MED13: variants seen among roughly 807,000 people sequenced by gnomAD.
The protein encoded by MED13 is mediator complex subunit 13.
In MED13, 23 loss-of-function variants were observed where a neutral mutation model predicts 225.2. The ratio of observed to expected loss-of-function variants is 0.10; its 90% CI spans 0.07 to 0.14. The LOEUF (loss-of-function observed/expected upper bound fraction) is 0.14, where lower values mean the gene tolerates loss of function less well. MED13 is among the 10% of genes least tolerant of loss of function. The probability of loss-of-function intolerance (pLI) is 1.00; values close to 1 mark genes in which losing one functional copy is unlikely to be tolerated. For missense variants in MED13, 2,197 were observed against 2,594.5 expected (o/e 0.85, Z 3.33); for synonymous variants, 942 against 889.2 (o/e 1.06, Z -1.06).
At chr17:62,026,298 C>T (rs958729487) in intron 8 of MED13, among the ~76,000 whole-genome samples, 1 of 152,094 alleles carries the variant, frequency 6.6e-6, no homozygotes, top group African/African-American at 2.4e-5. Context: ...ACCAATCATT[C>T]AACCAATATA....
rs571507309 is a variant in MED13 at position 62,030,964 on chromosome 17, G to A, written c.1009+480C>T. ...TGTAGGACTTAAGGGCTAAGAATTAGAACACAGCAATGGGCTGCTCTGTTG... is the reference window on the plus strand; with the variant it reads ...TGTAGGACTTAAGGGCTAAGAATTAAAACACAGCAATGGGCTGCTCTGTTG... On this transcript the variant is annotated intron_variant, in intron 6 of 29. Coordinates refer to ENST00000397786, the MANE Select transcript of MED13 (RefSeq NM_005121.3). The A allele has an allele frequency of 2.0e-5, 3 of 152,392 alleles. No individual in the cohort carries two copies. The South Asian group carries it at 6.2e-4, about 32-fold the overall frequency. 9.4% of individuals were successfully genotyped at this position (152,392 alleles called of 1,614,324 possible).
rs188435227 is a variant in MED13, at chr17:62,034,554, G to C, written c.617-570C>G. Among the ~76,000 whole-genome samples the C allele has an allele frequency of 3.9e-3, 586 of 150,986 alleles. 2 individuals are homozygous for C. The highest frequency in any genetic ancestry group is 6.1e-3 in the Non-Finnish European group (411 of 67,774). The stretch of plus-strand genomic sequence containing the variant: ...TTTTTAACAGAAGCTGGGAATATTT[G>C]TGTATCCTTCAATTTACTTTGACTC... On this transcript the variant is annotated intron_variant, in intron 4 of 29. Coordinates refer to ENST00000397786, the MANE Select transcript of MED13 (RefSeq NM_005121.3).
At chr17:61,959,667 C>T (rs1402930434) in intron 23 of MED13, among the ~76,000 whole-genome samples, 2 of 151,536 alleles carry the variant, frequency 1.3e-5, no homozygotes, top group African/African-American at 4.9e-5. Context: ...TATTTAACTT[C>T]TCACCTAAAA....
intron 26 of MED13, among the ~76,000 whole-genome samples, chr17:61,954,355 T>G (rs1390025645): frequency 6.6e-6 from 1 of 152,176 alleles, no homozygotes; most frequent in Non-Finnish European, 1.5e-5. Flanking sequence ...ACTTTGGCAG[T>G]TTATATAAAT....
At chr17:61,983,838 T>G (rs2080225719) in intron 15 of MED13, among the ~76,000 whole-genome samples, 1 of 151,856 alleles carries the variant, frequency 6.6e-6, no homozygotes, top group Non-Finnish European at 1.5e-5. Context: ...AAGCCATTCT[T>G]GTGCCTCAGC....
rs1289584751 is a variant in MED13 at position 61,966,610 on chromosome 17, T to C, written c.4233A>G (p.Leu1411=). The C allele has an allele frequency of 2.5e-6, 4 of 1,613,490 alleles. No individual in the cohort carries two copies. In the East Asian group the frequency reaches 6.7e-5, roughly 27 times the overall value. ...ATCCAACTCTCATGATCCCATCTGT[T>C]AACAGTCGAGAAACAGGTCTATGTT... ...LGQHRPVSRL[L]TDGIMRVGST... is the part of the protein sequence containing the mutation. Residue 1411 remains leucine (L), a synonymous_variant, in exon 19 of 30, where the codon TTA becomes TTG. Coordinates refer to ENST00000397786, the MANE Select transcript of MED13 (RefSeq NM_005121.3).
intron 8 of MED13, among the ~76,000 whole-genome samples, chr17:62,014,599 T>C (rs1016823431): frequency 6.6e-5 from 10 of 152,156 alleles, no homozygotes; most frequent in African/African-American, 2.4e-4. Flanking sequence ...TTACAGGCAT[T>C]AGCCACTGCA....
intron 3 of MED13, among the ~76,000 whole-genome samples, chr17:62,043,402 A>G (rs575712326): frequency 1.5e-4 from 23 of 152,148 alleles, no homozygotes; most frequent in Non-Finnish European, 3.2e-4. Context: ...GACAGGCTAC[A>G]GGGAAAACAA....
chr17:62,063,701 C>T (rs2143792981), intron 1 of MED13, among the ~76,000 whole-genome samples: 1 of 152,230 alleles, frequency 6.6e-6, no homozygotes, highest in East Asian at 1.9e-4. Flanking sequence ...GTTTTTATTC[C>T]ACATTTACAG....
intron 5 of MED13, among the ~76,000 whole-genome samples, chr17:62,031,901 T>A (rs1319698854): frequency 6.6e-6 from 1 of 152,006 alleles, no homozygotes; most frequent in Non-Finnish European, 1.5e-5. Flanking sequence ...AGCTTTCCTT[T>A]TTTTAGATTT....
intron 5 of MED13, among the ~76,000 whole-genome samples, chr17:62,031,869 TGA>T (rs1182607098): frequency 6.6e-6 from 1 of 151,822 alleles, no homozygotes; most frequent in Non-Finnish European, 1.5e-5. Flanking sequence ...TTATCTTTGC[TGA>T]GAGAGATTTG....
At chr17:62,021,523 G>C (rs894818302) in intron 8 of MED13, among the ~76,000 whole-genome samples, 1 of 152,234 alleles carries the variant, frequency 6.6e-6, no homozygotes, top group African/African-American at 2.4e-5. Context: ...CTCCCGGACG[G>C]GGCGAGCAGC....
At chr17:62,007,866 A>G (rs1427441804) in intron 9 of MED13, among the ~76,000 whole-genome samples, 1 of 151,730 alleles carries the variant, frequency 6.6e-6, no homozygotes, top group African/African-American at 2.4e-5. Flanking sequence ...AAAAACATAA[A>G]AAATTAGCAG....
intron 18 of MED13, among the ~76,000 whole-genome samples, chr17:61,967,556 G>C (rs1416630933): frequency 6.6e-6 from 1 of 152,072 alleles, no homozygotes; most frequent in African/African-American, 2.4e-5. Context: ...CAATTATTGC[G>C]CCTGGTGATG....
intron 10 of MED13, among the ~76,000 whole-genome samples, chr17:61,993,598 G>A (rs1284042251): frequency 6.6e-6 from 1 of 151,926 alleles, no homozygotes; most frequent in Non-Finnish European, 1.5e-5. Context: ...CATATAGTAG[G>A]GCTAAGTAAA....
rs1247925793 is a variant in MED13 at position 61,944,709 on chromosome 17, TAG to T, written c.*1757_*1758del. 1 of 151,166 alleles carries T rather than the reference TAG, an allele frequency of 6.6e-6. No homozygotes were observed. Among genetic ancestry groups the T allele is most frequent in the African/African-American group, 2.4e-5 (1 of 41,106 alleles). 9.4% of individuals were successfully genotyped at this position (151,166 alleles called of 1,614,324 possible). On this transcript the variant is annotated 3_prime_UTR_variant, in exon 30 of 30. Coordinates refer to ENST00000397786, the MANE Select transcript of MED13 (RefSeq NM_005121.3). Reference sequence around the variant, plus strand: ...AAAAAAACTAAAACAAACACTGAAGTAGAGTTTTGTAAATACAACTGATTTTG... The same window carrying T: ...AAAAAAACTAAAACAAACACTGAAGTAGTTTTGTAAATACAACTGATTTTG...
Position 61,946,948 on chromosome 17 carries a change from G to A in MED13, c.6361C>T (p.Leu2121Phe). 1 of 1,614,046 alleles carries A rather than the reference G, an allele frequency of 6.2e-7. No individual in the cohort carries two copies. The highest frequency in any genetic ancestry group is 8.5e-7 in the Non-Finnish European group (1 of 1,179,928). ...ELLHSKHSHP[L>F]DSNQTSDVLR... is the part of the protein sequence containing the mutation. Reference sequence around the variant, plus strand: ...ACATCTGAAGTCTGATTTGAGTCAAGTGGGTGGGAGTGTTTACTGTGAAGC... The same window carrying A: ...ACATCTGAAGTCTGATTTGAGTCAAATGGGTGGGAGTGTTTACTGTGAAGC... The change falls in exon 29 of 30, where the codon CTT becomes TTT. Residue 2121 changes from leucine to phenylalanine, a missense_variant. Coordinates refer to ENST00000397786, the MANE Select transcript of MED13 (RefSeq NM_005121.3).
At chr17:61,948,067 C>T (rs2079865387) in intron 28 of MED13, among the ~76,000 whole-genome samples, 1 of 152,134 alleles carries the variant, frequency 6.6e-6, no homozygotes, top group Non-Finnish European at 1.5e-5. Context: ...CACTGCAAAT[C>T]ACTACAAATT....
At chr17:61,973,441 T>C (rs2080126523) in intron 16 of MED13, among the ~76,000 whole-genome samples, 2 of 152,190 alleles carry the variant, frequency 1.3e-5, no homozygotes, top group South Asian at 4.1e-4. Context: ...CTTAAATATT[T>C]ATAAATTATC....
Sources: allele counts gnomAD v4.1 joint callset (sites outside exome capture counted in the v4.1 genomes callset), GRCh38; gene constraint gnomAD v4.1.1; transcripts MANE v1.5; gene names NCBI Gene and HGNC (gene_info 2026-07-23, HGNC 2026-07-21).